EIF4E2: variants seen among roughly 807,000 people sequenced by gnomAD.
The protein encoded by EIF4E2 is eukaryotic translation initiation factor 4E family member 2, also known as eukaryotic translation initiation factor 4E type 2.
In EIF4E2, 13 loss-of-function variants were observed where a neutral mutation model predicts 34.2. The ratio of observed to expected loss-of-function variants is 0.38; its 90% CI spans 0.25 to 0.60. The LOEUF (loss-of-function observed/expected upper bound fraction) is 0.60, where lower values mean the gene tolerates loss of function less well. EIF4E2 is among the 20% of genes least tolerant of loss of function. The pLI, the probability that EIF4E2 is intolerant of heterozygous loss-of-function variation, is 0.62. For synonymous variants in EIF4E2, 100 were observed against 106.6 expected, an observed-to-expected ratio of 0.94 and a Z score of 0.38; for missense variants, 222 against 315.1, an observed-to-expected ratio of 0.70 and a Z score of 2.24.
In EIF4E2 at chr2:232,566,111, A is replaced by AT. The variant is rs1007028358; in HGVS notation, c.376-718_376-717insT. ...CATCGCAAAAAAGAAAAAAAAAAAA[A>AT]CTAGATTGGGGCTTCATGTCTGTGT... On this transcript the variant is annotated intron_variant, in intron 4 of 6. Transcript: ENST00000258416. This position sits in a 1 kb window ranked among gnomAD's most constrained non-coding sequence, Gnocchi z 4.9. Among the ~76,000 whole-genome samples, 6 of 151,566 alleles carry AT rather than the reference A, an allele frequency of 4.0e-5. No homozygotes were observed. The highest frequency in any genetic ancestry group is 1.5e-4 in the African/African-American group (6 of 41,184).
At chr2:232,574,920 C>T (rs191779657) in intron 6 of EIF4E2, among the ~76,000 whole-genome samples, 42 of 152,288 alleles carry the variant, frequency 2.8e-4, no homozygotes, top group African/African-American at 9.9e-4. Context: ...CACTGAGGTA[C>T]AAAGACTGGG....
At chr2:232,558,298 A>G (rs965083127) in intron 3 of EIF4E2, 10 of 230,234 alleles carry the variant, frequency 4.3e-5, no homozygotes, top group African/African-American at 2.1e-4. Context: ...TTATTTTTTA[A>G]TTGAGACAGA....
rs567490833 is a variant in EIF4E2 at position 232,557,571 on chromosome 2, A to G, written c.136-313A>G. 12 of 266,664 alleles carry G rather than the reference A, an allele frequency of 4.5e-5. No homozygotes were observed. In the South Asian group the frequency reaches 7.3e-4, roughly 16 times the overall value. The allele number at this position is 266,664 out of a possible 1,614,324, so 16.5% of individuals were successfully genotyped here. On this transcript the variant is annotated intron_variant, in intron 2 of 6. Coordinates refer to ENST00000258416, the MANE Select transcript of EIF4E2 (RefSeq NM_004846.4). ...AAACAGGTTAAGTAACTTGACAGTGATGAATCTCATAGAGGAGGCAGTGCT... is the reference window on the plus strand; with the variant it reads ...AAACAGGTTAAGTAACTTGACAGTGGTGAATCTCATAGAGGAGGCAGTGCT...
At chr2:232,576,619 C>G (rs990367834) in intron 6 of EIF4E2, among the ~76,000 whole-genome samples, 1 of 152,062 alleles carries the variant, frequency 6.6e-6, no homozygotes, top group African/African-American at 2.4e-5. Flanking sequence ...AAAAATTATT[C>G]TGAAAGTAGG....
intron 6 of EIF4E2, among the ~76,000 whole-genome samples, chr2:232,580,440 T>C (rs1314812955): frequency 6.6e-6 from 1 of 152,228 alleles, no homozygotes; most frequent in Non-Finnish European, 1.5e-5. Context: ...ACCACTGTTG[T>C]TGGTTTCCTG....
At chr2:232,579,140 AC>A in intron 6 of EIF4E2, among the ~76,000 whole-genome samples, 1 of 128,620 alleles carries the variant, frequency 7.8e-6, no homozygotes. Flanking sequence ...ACACACACAC[AC>A]ACACACACAC....
chr2:232,574,439 G>T, intron 6 of EIF4E2: 1 of 1,246,264 alleles, frequency 8.0e-7, no homozygotes, highest in Non-Finnish European at 1.1e-6. Context: ...TACCAACATT[G>T]AGCCTCAGAG....
intron 6 of EIF4E2, 24 bp from the exon 7 acceptor site, chr2:232,568,921 G>A: frequency 6.2e-7 from 1 of 1,614,056 alleles, no homozygotes; most frequent in South Asian, 1.1e-5. Context: ...CTCCCAATGA[G>A]CCAACCTTTT....
At chr2:232,560,228 G>A (rs1298428552) in intron 3 of EIF4E2, among the ~76,000 whole-genome samples, 1 of 152,122 alleles carries the variant, frequency 6.6e-6, no homozygotes, top group Non-Finnish European at 1.5e-5. Context: ...GTAATGTAAG[G>A]TACCAAGACA....
intron 6 of EIF4E2, among the ~76,000 whole-genome samples, chr2:232,576,597 T>C (rs146608828): frequency 1.5e-3 from 236 of 152,278 alleles, no homozygotes; most frequent in Admixed American, 9.9e-3. Flanking sequence ...GAAGAGTGTT[T>C]GAATTTAAAC....
chr2:232,582,485 C>G (rs879942390), exon 7 of EIF4E2: 2 of 152,186 alleles, frequency 1.3e-5, no homozygotes, highest in Non-Finnish European at 2.9e-5. Context: ...ATAAGAAGAT[C>G]TAGCAGTGAT....
At chr2:232,583,279 A>C (rs181717833) in exon 7 of EIF4E2, 1 of 100,388 alleles carries the variant, frequency 1.0e-5, no homozygotes. Flanking sequence ...GTCGGTCTCC[A>C]CTTTGCACAG....
At chr2:232,578,580 G>A (rs1196936628) in intron 6 of EIF4E2, among the ~76,000 whole-genome samples, 1 of 150,826 alleles carries the variant, frequency 6.6e-6, no homozygotes, top group Non-Finnish European at 1.5e-5. Context: ...GCAGTGAGCT[G>A]AGATTGTGCC....
At chr2:232,579,308 C>CTATT (rs1261028721) in intron 6 of EIF4E2, among the ~76,000 whole-genome samples, 2 of 152,146 alleles carry the variant, frequency 1.3e-5, no homozygotes, top group Non-Finnish European at 2.9e-5. Context: ...GATGACCACC[C>CTATT]TATTAACTTT....
At chr2:232,551,243 C>T in intron 1 of EIF4E2, 1 of 474,036 alleles carries the variant, frequency 2.1e-6, no homozygotes, top group Non-Finnish European at 4.4e-6. Flanking sequence ...GCCCTCGACG[C>T]GGTGGAAGGC....
chr2:232,556,920 T>TGA (rs149802072), intron 2 of EIF4E2, among the ~76,000 whole-genome samples: 6 of 151,534 alleles, frequency 4.0e-5, no homozygotes, highest in East Asian at 3.9e-4. Flanking sequence ...ACTTAGGGAA[T>TGA]GAGAGAGAGA....
chr2:232,574,341 G>A (rs1559322628), intron 6 of EIF4E2: 2 of 1,550,454 alleles, frequency 1.3e-6, no homozygotes, highest in Non-Finnish European at 1.7e-6. Context: ...TCACACTCAG[G>A]GTAGGGCCTT....
intron 3 of EIF4E2, 87 bp from the exon 4 acceptor site, chr2:232,564,160 A>T: frequency 2.4e-6 from 2 of 842,190 alleles, no homozygotes; most frequent in Non-Finnish European, 3.8e-6. Context: ...TTCCATGCTT[A>T]TGTTCTTAAC....
intron 3 of EIF4E2, among the ~76,000 whole-genome samples, chr2:232,563,500 C>T (rs374424403): frequency 9.0e-4 from 136 of 151,858 alleles, no homozygotes; most frequent in Admixed American, 2.1e-3. Context: ...CTAGTTTTCT[C>T]ACGGGATTGT....
Sources: allele counts gnomAD v4.1 joint callset (sites outside exome capture counted in the v4.1 genomes callset), GRCh38; gene constraint gnomAD v4.1.1; non-coding constraint Gnocchi (gnomAD v3.1); transcripts MANE v1.5; gene names NCBI Gene and HGNC (gene_info 2026-07-23, HGNC 2026-07-21).